ABCC5: variants seen among roughly 807,000 people sequenced by gnomAD.
The protein encoded by ABCC5 is ATP binding cassette subfamily C member 5, also known as ATP-binding cassette sub-family C member 5.
In ABCC5, 61 loss-of-function variants were observed where a neutral mutation model predicts 160.9. The ratio of observed to expected loss-of-function variants is 0.38; its 90% CI spans 0.31 to 0.47. The LOEUF (loss-of-function observed/expected upper bound fraction) is 0.47, where lower values mean the gene tolerates loss of function less well. Ranked by LOEUF, ABCC5 falls within the 20% of genes least tolerant of loss-of-function variation. ABCC5 has a pLI of 0.99. For missense variants in ABCC5, 1,308 were observed against 1,813.3 expected (o/e 0.72, Z 5.06); for synonymous variants, 666 against 700.6 (o/e 0.95, Z 0.78).
intron 5 of ABCC5, chr3:183,984,720 G>A: frequency 6.5e-7 from 1 of 1,530,280 alleles, no homozygotes; most frequent in South Asian, 1.2e-5. Context: ...CAGCCGGGTT[G>A]CTGGTTTACT....
chr3:183,971,646 C>T lies in ABCC5; in HGVS notation c.1678G>A (p.Glu560Lys), dbSNP rs540293109. ...TGGATGTGCTTGCCTTCTTCCTCTT[C>T]GGGACTGGGCCGCTCGTCACTGTCC... ...LLDSDERPSP[E>K]EEEGKHIHLG... The change falls in exon 11 of 30, where the codon GAA (glutamate) becomes AAA (lysine). Residue 560 changes from glutamate to lysine, a missense_variant. Glu to Lys is a moderately conservative substitution (Grantham distance 56). Coordinates refer to ENST00000334444, the MANE Select transcript of ABCC5 (RefSeq NM_005688.4). 8.1e-6 allele frequency: 13 copies of T among 1,614,136 alleles called. No homozygotes were observed. In the Admixed American group the frequency reaches 1.0e-4, roughly 12 times the overall value.
Position 183,965,276 on chromosome 3 carries a change from C to G in ABCC5, c.1959-19G>C. 1.9e-6 allele frequency: 3 copies of G among 1,614,222 alleles called. No homozygotes were observed. Among genetic ancestry groups the G allele is most frequent in the Non-Finnish European group, 2.5e-6 (3 of 1,180,022 alleles). Reference sequence around the variant, plus strand: ...GTTGTATCTGGAGGACACAAAGAGACAGCGTCAGGGACACGGCGGGAGCAG... The same window carrying G: ...GTTGTATCTGGAGGACACAAAGAGAGAGCGTCAGGGACACGGCGGGAGCAG... On this transcript the variant is annotated intron_variant, in intron 13 of 29. Coordinates refer to ENST00000334444, the MANE Select transcript of ABCC5 (RefSeq NM_005688.4).
In ABCC5 at chr3:183,971,721, G is replaced by A. The variant is rs563074461; in HGVS notation, c.1603C>T (p.Arg535Cys). ...GKKEKVRQLQ[R>C]TEHQAVLAEQ... ...GCCAGCACCGCCTGATGCTCAGTGCGCTGCAGCTGCCTCACCTTCTCTTTC... is the reference window on the plus strand; with the variant it reads ...GCCAGCACCGCCTGATGCTCAGTGCACTGCAGCTGCCTCACCTTCTCTTTC... Residue 535 changes from arginine (R) to cysteine (C), a missense_variant, in exon 11 of 30, where the codon CGC (arginine) becomes TGC (cysteine). Physicochemically the swap from Arg to Cys is radical, Grantham distance 180 (BLOSUM62 -3). This residue lies in a region of ABCC5 where 1,142 missense variants were observed against 1,527.1 expected (regional missense o/e 0.75). Transcript: ENST00000334444. 53 of 1,614,214 alleles carry A rather than the reference G, an allele frequency of 3.3e-5. No homozygotes were observed. Among genetic ancestry groups the A allele is most frequent in the South Asian group, 1.4e-4 (13 of 91,088 alleles).
At position 183,994,444 on chromosome 3, in the gene ABCC5, C is replaced by T. The variant is rs185363614; in HGVS notation, c.130-5061G>A. On this transcript the variant is annotated intron_variant, in intron 2 of 29. Transcript: ENST00000334444. ...AGACTGGTGTGCAGTGGTGCAATCTCGGGTCACTGCAACCTCCGCCTCCAG... is the reference window on the plus strand; with the variant it reads ...AGACTGGTGTGCAGTGGTGCAATCTTGGGTCACTGCAACCTCCGCCTCCAG... 3.0e-3 allele frequency among the ~76,000 whole-genome samples: 453 copies of T among 151,748 alleles called. 1 individual carries two copies. Among genetic ancestry groups the T allele is most frequent in the Admixed American group, 8.4e-3 (128 of 15,244 alleles).
chr3:183,981,893 C>G lies in ABCC5; in HGVS notation c.1000-19G>C. 4.4e-6 allele frequency: 7 copies of G among 1,581,478 alleles called. No homozygotes were observed. Among genetic ancestry groups the G allele is most frequent in the Non-Finnish European group, 5.1e-6 (6 of 1,169,210 alleles). ...CAAACATCTGAAAGGAAAAGCGATG[C>G]CACGCCAAATTAAAGCTCATTCAAA... On this transcript the variant is annotated intron_variant, in intron 7 of 29. Transcript: ENST00000334444.
At position 183,956,095 on chromosome 3, in the gene ABCC5, T is replaced by C. The variant is rs185555544; in HGVS notation, c.2483-2825A>G. On this transcript the variant is annotated intron_variant, in intron 17 of 29. Coordinates refer to ENST00000334444, the MANE Select transcript of ABCC5 (RefSeq NM_005688.4). ...TCGGTTACATGCAGATCCGTGTGTATATCACATCTGTTACATGCAGCTCCG... is the reference window on the plus strand; with the variant it reads ...TCGGTTACATGCAGATCCGTGTGTACATCACATCTGTTACATGCAGCTCCG... Among the ~76,000 whole-genome samples, 648 of 137,336 alleles carry C rather than the reference T, an allele frequency of 4.7e-3. 51 individuals carry two copies. Among genetic ancestry groups the C allele is most frequent in the Non-Finnish European group, 7.0e-3 (440 of 63,166 alleles). The allele number at this position is 137,336 out of a possible 152,430, so 90.1% of individuals were successfully genotyped here.
At chr3:183,938,176 C>A in intron 25 of ABCC5, 116 bp from the exon 26 acceptor site, 1 of 1,019,440 alleles carries the variant, frequency 9.8e-7, no homozygotes. Flanking sequence ...GTTGTTATTT[C>A]AACTGATTAA....
chr3:184,004,590 T>G (rs1260378374), intron 2 of ABCC5, among the ~76,000 whole-genome samples: 2 of 151,774 alleles, frequency 1.3e-5, no homozygotes, highest in Admixed American at 6.6e-5. Flanking sequence ...TGTTAAATGC[T>G]TAGTACAAGG....
chr3:183,957,406 A>G lies in ABCC5; in HGVS notation c.2482+2327T>C, dbSNP rs1441149787. Among the ~76,000 whole-genome samples, 29 of 134,394 alleles carry G rather than the reference A, an allele frequency of 2.2e-4. 5 individuals are homozygous for G. The highest frequency in any genetic ancestry group is 3.9e-3 in the Middle Eastern group (1 of 258). The allele number at this position is 134,394 out of a possible 152,430, so 88.2% of individuals were successfully genotyped here. ...ATCGGTTACATGCTTATCCGTGTGTATATCACATCGGTTACATGCAGATCC... is the reference window on the plus strand; with the variant it reads ...ATCGGTTACATGCTTATCCGTGTGTGTATCACATCGGTTACATGCAGATCC... On this transcript the variant is annotated intron_variant, in intron 17 of 29. Transcript: ENST00000334444.
At chr3:184,010,058 G>C in intron 2 of ABCC5, 1 of 349,380 alleles carries the variant, frequency 2.9e-6, no homozygotes, top group East Asian at 7.9e-5. Flanking sequence ...TGTAATCCCA[G>C]TACTTTGGGA....
At position 183,928,963 on chromosome 3, in the gene ABCC5, A is replaced by T. The variant is rs1577454391; in HGVS notation, c.3855-138T>A. 31 of 623,938 alleles carry T rather than the reference A, an allele frequency of 5.0e-5. 1 individual carries two copies. In the East Asian group the frequency reaches 7.9e-4, roughly 16 times the overall value. 38.7% of individuals were successfully genotyped at this position (623,938 alleles called of 1,614,324 possible). A position where few individuals can be genotyped will look rare whatever the true frequency, so the allele number is the denominator to read the frequency against. ...CTGATGGTCACAGACGGCTCATTCC[A>T]CAACCAGACAGATGGGAGCTCTGAC... On this transcript the variant is annotated intron_variant, in intron 26 of 29. Coordinates refer to ENST00000334444, the MANE Select transcript of ABCC5 (RefSeq NM_005688.4).
At chr3:183,948,088 T>C (rs527674860) in intron 22 of ABCC5, among the ~76,000 whole-genome samples, 3 of 152,326 alleles carry the variant, frequency 2.0e-5, no homozygotes, top group East Asian at 1.9e-4. Flanking sequence ...TGAAGGAGCA[T>C]GGCACGGCCA....
Position 184,014,293 on chromosome 3 carries a change from C to T in ABCC5, c.100G>A (p.Glu34Lys). ...TSTSGTHRDR[E>K]DSKFRRTRPL... Reference sequence around the variant, plus strand: ...CGAGTTCTCCTGAACTTGGAATCTTCACGGTCTCTGTGCGTCCCAGAAGTG... The same window carrying T: ...CGAGTTCTCCTGAACTTGGAATCTTTACGGTCTCTGTGCGTCCCAGAAGTG... The change falls in exon 2 of 30, where the codon GAA (glutamate) becomes AAA (lysine). Residue 34 changes from glutamate to lysine, a missense_variant. Physicochemically the swap from Glu to Lys is moderately conservative, Grantham distance 56. Coordinates refer to ENST00000334444, the MANE Select transcript of ABCC5 (RefSeq NM_005688.4). 6.2e-7 allele frequency: 1 copy of T among 1,614,034 alleles called. No homozygotes were observed. Among genetic ancestry groups the T allele is most frequent in the African/African-American group, 1.3e-5 (1 of 75,032 alleles).
Position 183,953,074 on chromosome 3 carries a change from G to T in ABCC5, c.2667+12C>A. The T allele has an allele frequency of 6.2e-7, 1 of 1,610,012 alleles. No individual in the cohort carries two copies. ...TTAGACACAGAACTTTCCCATTTAT[G>T]AGTAACCTTACCCCGCTTCCTTGCT... On this transcript the variant is annotated intron_variant, in intron 18 of 29. Coordinates refer to ENST00000334444, the MANE Select transcript of ABCC5 (RefSeq NM_005688.4).
At chr3:183,986,208 AGT>A (rs1719203350) in intron 5 of ABCC5, 1 of 152,336 alleles carries the variant, frequency 6.6e-6, no homozygotes, top group South Asian at 2.1e-4. Context: ...CAAAAAAGGA[AGT>A]GTGTATTGTT....
intron 11 of ABCC5, among the ~76,000 whole-genome samples, chr3:183,969,188 C>T (rs1211900258): frequency 6.6e-6 from 1 of 152,106 alleles, no homozygotes; most frequent in East Asian, 1.9e-4. Flanking sequence ...AAGCAAAGGC[C>T]CAGGGAGAAT....
intron 10 of ABCC5, among the ~76,000 whole-genome samples, 169 bp downstream of exon 10, chr3:183,977,348 T>C (rs1221538781): frequency 6.6e-6 from 1 of 152,206 alleles, no homozygotes; most frequent in Non-Finnish European, 1.5e-5. Flanking sequence ...ACAAGTCTCA[T>C]CCCTCAATTC....
intron 22 of ABCC5, among the ~76,000 whole-genome samples, chr3:183,947,802 G>A (rs1714988973): frequency 6.6e-6 from 1 of 152,276 alleles, no homozygotes; most frequent in Admixed American, 6.5e-5. Context: ...GTAAACATGG[G>A]AAAAGAGACT....
At chr3:183,932,873 G>C (rs1400741689) in intron 26 of ABCC5, among the ~76,000 whole-genome samples, 1 of 152,008 alleles carries the variant, frequency 6.6e-6, no homozygotes, top group African/African-American at 2.4e-5. Context: ...CAATTAAGAT[G>C]GTTATGACAG....
Sources: allele counts gnomAD v4.1 joint callset (sites outside exome capture counted in the v4.1 genomes callset), GRCh38; gene constraint gnomAD v4.1.1; regional missense constraint gnomAD v4.1.1; transcripts MANE v1.5; gene names NCBI Gene and HGNC (gene_info 2026-07-23, HGNC 2026-07-21).